NAV2: variants seen among roughly 807,000 people sequenced by gnomAD.
NAV2 encodes the protein helicase, APC down-regulated 1.
Under a neutral mutation model 223.2 loss-of-function variants are expected in NAV2, and 54 were observed. That is an observed-to-expected ratio of 0.24 (90% confidence interval 0.19 to 0.30). NAV2 has a LOEUF of 0.30. NAV2 is among the 10% of genes least tolerant of loss of function. The probability of loss-of-function intolerance (pLI) is 1.00; values close to 1 mark genes in which losing one functional copy is unlikely to be tolerated. For synonymous variants in NAV2, 1,279 were observed against 1,239.3 expected, an observed-to-expected ratio of 1.03 and a Z score of -0.67; for missense variants, 2,806 against 3,147.5, an observed-to-expected ratio of 0.89 and a Z score of 2.60.
chr11:19,446,699 A>G (rs1851596736), intron 1 of NAV2, among the ~76,000 whole-genome samples: 1 of 152,138 alleles, frequency 6.6e-6, no homozygotes, highest in Non-Finnish European at 1.5e-5. Context: ...ATTAATGCAA[A>G]CAGCTGAACC....
At chr11:20,032,158 CCA>C (rs2055830590) in intron 11 of NAV2, among the ~76,000 whole-genome samples, 1 of 152,222 alleles carries the variant, frequency 6.6e-6, no homozygotes, top group Admixed American at 6.5e-5. Flanking sequence ...TGGTTTCTGG[CCA>C]CAGACAGCTC....
At chr11:19,969,362 G>A (rs1202713656) in intron 10 of NAV2, among the ~76,000 whole-genome samples, 1 of 152,286 alleles carries the variant, frequency 6.6e-6, no homozygotes, top group African/African-American at 2.4e-5. Context: ...CTTCCTGGAA[G>A]TCCTTTTTGG....
intron 7 of NAV2, among the ~76,000 whole-genome samples, chr11:19,935,851 G>GTTTTTTGT (rs2045809720): frequency 1.1e-4 from 6 of 52,706 alleles, no homozygotes; most frequent in Non-Finnish European, 2.0e-4. Flanking sequence ...TTTTGTTTCT[G>GTTTTTTGT]TTTTTTTTTT....
intron 1 of NAV2, among the ~76,000 whole-genome samples, chr11:19,813,653 C>T (rs754635938): frequency 2.0e-5 from 3 of 152,138 alleles, no homozygotes; most frequent in Non-Finnish European, 4.4e-5. Context: ...CTGACCACAG[C>T]GGGTGCGTGA....
intron 11 of NAV2, chr11:20,027,459 A>C: frequency 1.0e-5 from 10 of 985,496 alleles, no homozygotes; most frequent in Non-Finnish European, 1.2e-5. Context: ...GAACTGGAAA[A>C]TTGAGCAGGT....
intron 20 of NAV2, among the ~76,000 whole-genome samples, chr11:20,066,773 GATTAGGA>G (rs2059069291): frequency 3.3e-5 from 5 of 152,150 alleles, no homozygotes; most frequent in Non-Finnish European, 4.4e-5. Context: ...AGTAAAATTG[GATTAGGA>G]CACCTAGCGA....
chr11:19,646,505 G>A (rs2047820079), intron 1 of NAV2, among the ~76,000 whole-genome samples: 1 of 152,160 alleles, frequency 6.6e-6, no homozygotes, highest in South Asian at 2.1e-4. Context: ...CCACATCTGA[G>A]CTGAGGGCGT....
At chr11:19,819,567 A>T (rs117350720) in intron 1 of NAV2, among the ~76,000 whole-genome samples, 6 of 152,194 alleles carry the variant, frequency 3.9e-5, no homozygotes, top group Non-Finnish European at 7.3e-5. Context: ...GAACCTGCCC[A>T]TAGGGACTGA....
At chr11:20,036,398 A>G (rs1044849898) in intron 12 of NAV2, among the ~76,000 whole-genome samples, 7 of 152,348 alleles carry the variant, frequency 4.6e-5, no homozygotes, top group African/African-American at 1.7e-4. Context: ...AACAAACAAC[A>G]GAAAAGGATG....
chr11:19,975,087 T>C (rs1005669197), intron 10 of NAV2, among the ~76,000 whole-genome samples: 4 of 152,338 alleles, frequency 2.6e-5, no homozygotes, highest in Admixed American at 1.3e-4. Context: ...GAACTGTCTC[T>C]TGTGTGTTAG....
intron 1 of NAV2, among the ~76,000 whole-genome samples, chr11:19,410,783 G>T (rs937211904): frequency 2.0e-5 from 3 of 152,190 alleles, no homozygotes; most frequent in Non-Finnish European, 4.4e-5. Context: ...GGGCAGGCTG[G>T]TGTATATACT....
intron 10 of NAV2, among the ~76,000 whole-genome samples, chr11:19,970,519 G>T (rs897991915): frequency 1.3e-5 from 2 of 152,136 alleles, no homozygotes; most frequent in Non-Finnish European, 2.9e-5. Flanking sequence ...AGAAACACTT[G>T]GTAGGTACCT....
At chr11:20,006,653 C>T (rs368621792) in intron 11 of NAV2, among the ~76,000 whole-genome samples, 13 of 151,674 alleles carry the variant, frequency 8.6e-5, no homozygotes, top group Admixed American at 2.6e-4. Context: ...CCAGCCTGGG[C>T]GACAAGAGCA....
chr11:20,095,414 AT>A (rs2061178018), intron 29 of NAV2, among the ~76,000 whole-genome samples: 1 of 152,152 alleles, frequency 6.6e-6, no homozygotes, highest in South Asian at 2.1e-4. Context: ...TGTCTGACAC[AT>A]TTACTTAGCA....
intron 6 of NAV2, among the ~76,000 whole-genome samples, chr11:19,895,902 A>T (rs1230924201): frequency 6.6e-6 from 1 of 151,958 alleles, no homozygotes; most frequent in Non-Finnish European, 1.5e-5. Context: ...GGTAAGACAC[A>T]ACAGGTACCT....
intron 1 of NAV2, among the ~76,000 whole-genome samples, chr11:19,697,563 G>A (rs977452789): frequency 1.3e-5 from 2 of 151,694 alleles, no homozygotes; most frequent in Non-Finnish European, 2.9e-5. Flanking sequence ...GGCATGGCAT[G>A]TCTGGAGATG....
chr11:19,506,028 G>T (rs1487205), intron 1 of NAV2: 50,668 of 152,082 alleles, frequency 0.33, 8,963 homozygotes, highest in South Asian at 0.4. Flanking sequence ...CTGGATGAGC[G>T]GCAAGGCAGA....
At chr11:19,583,606 G>A (rs746915360) in intron 1 of NAV2, among the ~76,000 whole-genome samples, 4 of 152,142 alleles carry the variant, frequency 2.6e-5, no homozygotes, top group African/African-American at 7.2e-5. Context: ...GAATTTTGTT[G>A]AAGGCCTTTT....
chr11:19,382,900 A>G (rs532527381), intron 1 of NAV2, among the ~76,000 whole-genome samples: 21 of 152,312 alleles, frequency 1.4e-4, no homozygotes, highest in African/African-American at 5.1e-4. Context: ...ATCATTTACT[A>G]TACACTTTGT....
Sources: allele counts gnomAD v4.1 joint callset (sites outside exome capture counted in the v4.1 genomes callset), GRCh38; gene constraint gnomAD v4.1.1; transcripts MANE v1.5; gene names NCBI Gene and HGNC (gene_info 2026-07-23, HGNC 2026-07-21).